VDAC1: variants seen among roughly 807,000 people sequenced by gnomAD.
The protein encoded by VDAC1 is non-selective voltage-gated ion channel VDAC1.
In VDAC1, 10 loss-of-function variants were observed where a neutral mutation model predicts 34.7. The observed-to-expected ratio is 0.29, with a 90% CI of 0.18 to 0.49. VDAC1 has a LOEUF of 0.49. VDAC1 is among the 20% of genes least tolerant of loss of function. The pLI is 0.99. For missense variants in VDAC1, 230 were observed against 347.9 expected, an observed-to-expected ratio of 0.66 and a Z score of 2.69; for synonymous variants, 130 against 136.0, an observed-to-expected ratio of 0.96 and a Z score of 0.30.
the VDAC1 span, among the ~76,000 whole-genome samples, chr5:134,027,389 C>T: frequency 2.0e-5 from 3 of 152,280 alleles, no homozygotes; most frequent in South Asian, 2.1e-4. Flanking sequence ...GGTGTGCAGG[C>T]GCTGTGCCGG....
the VDAC1 span, among the ~76,000 whole-genome samples, chr5:134,086,816 C>T: frequency 6.6e-6 from 1 of 152,268 alleles, no homozygotes. Context: ...CTCAAAAATT[C>T]GGGTACCCGA....
At chr5:134,072,812 CAA>C in the VDAC1 span, among the ~76,000 whole-genome samples, 1 of 152,184 alleles carries the variant, frequency 6.6e-6, no homozygotes, top group African/African-American at 2.4e-5. Flanking sequence ...CAGCTGGGAA[CAA>C]AGAGAACATC....
the VDAC1 span, among the ~76,000 whole-genome samples, chr5:134,073,322 G>A: frequency 6.6e-6 from 1 of 152,160 alleles, no homozygotes; most frequent in Non-Finnish European, 1.5e-5. Context: ...TAAACCAGGG[G>A]CATCGCATGG....
At chr5:134,074,234 C>A in the VDAC1 span, among the ~76,000 whole-genome samples, 13,767 of 151,786 alleles carry the variant, frequency 0.091, 931 homozygotes, top group East Asian at 0.29. Flanking sequence ...ATGGCATGAA[C>A]CCGGGAGGCA....
chr5:133,991,267 G>C, intron 3 of VDAC1, 113 bp from the exon 4 acceptor site: 1 of 1,339,034 alleles, frequency 7.5e-7, no homozygotes, highest in Admixed American at 2.0e-5. Flanking sequence ...GAATGTGGGG[G>C]GGCCAAGGCT....
chr5:134,076,441 T>G, the VDAC1 span, among the ~76,000 whole-genome samples: 2 of 152,216 alleles, frequency 1.3e-5, no homozygotes, highest in Non-Finnish European at 2.9e-5. Context: ...TGTTTCGGTG[T>G]GTCTAAAGTT....
At chr5:133,984,537 A>G (rs373052642) in intron 5 of VDAC1, among the ~76,000 whole-genome samples, 28 of 151,792 alleles carry the variant, frequency 1.8e-4, no homozygotes, top group African/African-American at 6.8e-4. Context: ...TGCCTGCCTC[A>G]GCCTCCAAAA....
chr5:134,055,385 G>A, the VDAC1 span, among the ~76,000 whole-genome samples: 3 of 152,054 alleles, frequency 2.0e-5, no homozygotes, highest in Non-Finnish European at 2.9e-5. Context: ...TCTGGTCCTC[G>A]TGACATGTGA....
chr5:134,088,769 G>T, the VDAC1 span, among the ~76,000 whole-genome samples: 1 of 152,066 alleles, frequency 6.6e-6, no homozygotes, highest in Non-Finnish European at 1.5e-5. Context: ...CTCACTGAAG[G>T]TTACCACTAT....
At chr5:134,077,671 T>G in the VDAC1 span, among the ~76,000 whole-genome samples, 1 of 152,210 alleles carries the variant, frequency 6.6e-6, no homozygotes, top group Non-Finnish European at 1.5e-5. Context: ...GCAGGTACTT[T>G]CCATTGTACA....
chr5:133,996,459 T>G (rs1753312287), intron 1 of VDAC1, among the ~76,000 whole-genome samples: 1 of 152,074 alleles, frequency 6.6e-6, no homozygotes, highest in South Asian at 2.1e-4. Flanking sequence ...CCCAGCACAG[T>G]CTGCATAATA....
At chr5:134,078,667 T>TTTTTTTTA in the VDAC1 span, among the ~76,000 whole-genome samples, 15 of 146,186 alleles carry the variant, frequency 1.0e-4, no homozygotes, top group African/African-American at 2.0e-4. Flanking sequence ...TTTTTTTTTT[T>TTTTTTTTA]GAGACAGAGT....
the VDAC1 span, among the ~76,000 whole-genome samples, chr5:134,093,017 A>T: frequency 6.6e-6 from 1 of 152,212 alleles, no homozygotes; most frequent in Non-Finnish European, 1.5e-5. Context: ...TCATCCTTCC[A>T]TGGGGATAAA....
chr5:134,031,620 A>G, the VDAC1 span, among the ~76,000 whole-genome samples: 1 of 152,122 alleles, frequency 6.6e-6, no homozygotes, highest in South Asian at 2.1e-4. Context: ...TGAGCTCAGG[A>G]GTTCAAGACC....
At chr5:134,059,490 C>T in the VDAC1 span, among the ~76,000 whole-genome samples, 1 of 152,120 alleles carries the variant, frequency 6.6e-6, no homozygotes, top group Non-Finnish European at 1.5e-5. Flanking sequence ...CTAAGACATC[C>T]CCACACCCAG....
chr5:134,019,626 C>A, the VDAC1 span, among the ~76,000 whole-genome samples: 3 of 152,210 alleles, frequency 2.0e-5, no homozygotes, highest in African/African-American at 7.2e-5. Context: ...ATTTCCCCAC[C>A]TCCTATCCTT....
chr5:134,110,489 C>T, the VDAC1 span, among the ~76,000 whole-genome samples: 4 of 152,220 alleles, frequency 2.6e-5, no homozygotes, highest in Non-Finnish European at 5.9e-5. Context: ...CACATGGACA[C>T]ACACGCCCCA....
chr5:133,990,787 C>A, intron 5 of VDAC1, 68 bp downstream of exon 5: 4 of 1,501,994 alleles, frequency 2.7e-6, no homozygotes, highest in Non-Finnish European at 3.6e-6. Context: ...AACATTTTGT[C>A]ACAAAGGGCT....
the VDAC1 span, among the ~76,000 whole-genome samples, chr5:134,013,874 G>A: frequency 5.9e-5 from 9 of 151,670 alleles, no homozygotes; most frequent in East Asian, 9.8e-4. Flanking sequence ...TCCGGGAGGC[G>A]GAGGTTGCAG....
Sources: allele counts gnomAD v4.1 joint callset (sites outside exome capture counted in the v4.1 genomes callset), GRCh38; gene constraint gnomAD v4.1.1; transcripts MANE v1.5; gene names NCBI Gene and HGNC (gene_info 2026-07-23, HGNC 2026-07-21).